MAP4: variants seen among roughly 807,000 people sequenced by gnomAD.
MAP4 encodes microtubule associated protein 4, also known as microtubule-associated protein 4.
Under a neutral mutation model 170.2 loss-of-function variants are expected in MAP4, and 76 were observed. The ratio of observed to expected loss-of-function variants is 0.45; its 90% CI spans 0.37 to 0.54. The LOEUF (loss-of-function observed/expected upper bound fraction) is 0.54. Ranked by LOEUF, MAP4 falls within the 20% of genes least tolerant of loss-of-function variation. MAP4 has a pLI of 0.00. For missense variants in MAP4, 2,506 were observed against 2,748.0 expected (o/e 0.91, Z 1.97); for synonymous variants, 909 against 994.5 (o/e 0.91, Z 1.62).
chr3:47,857,853 C>T lies in MAP4; in HGVS notation c.6502-341G>A, dbSNP rs2059200448. Reference sequence around the variant, plus strand: ...CCTCCCGAGTAGCTGGGATTACAGGCGTGTACCACCACATCTGGCTAATTT... The same window carrying T: ...CCTCCCGAGTAGCTGGGATTACAGGTGTGTACCACCACATCTGGCTAATTT... On this transcript the variant is annotated intron_variant, in intron 17 of 20. Transcript: ENST00000683076. 4.0e-5 allele frequency among the ~76,000 whole-genome samples: 6 copies of T among 151,854 alleles called. No individual in the cohort carries two copies. In the South Asian group the frequency reaches 1.0e-3, roughly 26 times the overall value.
At chr3:47,918,683 A>T in intron 6 of MAP4, 36 bp downstream of exon 6, 1 of 1,548,260 alleles carries the variant, frequency 6.5e-7, no homozygotes, top group Non-Finnish European at 8.9e-7. Context: ...CAATACTGCA[A>T]CCATTAACTG....
Position 47,853,291 on chromosome 3 carries a change from G to C in MAP4, c.6758C>G (p.Ala2253Gly), listed in dbSNP as rs1330698220. ...CPGPPAGEEPAISEAAPEAGA... is the reference protein window; with the variant it reads ...CPGPPAGEEPGISEAAPEAGA... The stretch of plus-strand genomic sequence containing the variant: ...AGCTTCAGGCGCTGCCTCAGAGATG[G>C]CCGGCTCCTCCCCAGCAGGGGGACC... Residue 2253 changes from alanine to glycine, a missense_variant, in exon 20 of 21, where the codon GCC becomes GGC. Coordinates refer to ENST00000683076, the MANE Select transcript of MAP4 (RefSeq NM_001385682.1). 6.2e-7 allele frequency: 1 copy of C among 1,610,460 alleles called. No individual in the cohort carries two copies. The highest frequency in any genetic ancestry group is 8.5e-7 in the Non-Finnish European group (1 of 1,179,110).
In MAP4 at chr3:47,910,165, G is replaced by T. The variant is rs778580815; in HGVS notation, c.4256C>A (p.Pro1419His). The T allele has an allele frequency of 6.2e-7, 1 of 1,613,878 alleles. No homozygotes were observed. The highest frequency in any genetic ancestry group is 2.2e-5 in the East Asian group (1 of 44,886). Residue 1419 changes from proline (P) to histidine (H), a missense_variant, in exon 9 of 21, where the codon CCC (proline) becomes CAC (histidine). By Grantham distance (77) the Pro-to-His change is moderately conservative. This residue lies in a region of MAP4 where 2,008 missense variants were observed against 2,206.0 expected (regional missense o/e 0.91). Transcript: ENST00000683076. The stretch of plus-strand genomic sequence containing the variant: ...ATTTATCAGCTCTGATGGTGTTCTG[G>T]GACAGGTAAATGTAATATTTCTATT... ...DENRNITFTCPRTPSELINKS... is the reference protein window; with the variant it reads ...DENRNITFTCHRTPSELINKS...
chr3:47,917,954 C>CCTAGTAG (rs1308072026), intron 6 of MAP4, among the ~76,000 whole-genome samples: 1 of 152,040 alleles, frequency 6.6e-6, no homozygotes, highest in Non-Finnish European at 1.5e-5. Flanking sequence ...TCTCAGCCTC[C>CCTAGTAG]CTAGTAGCTG....
chr3:47,881,379 C>T (rs985971140), intron 10 of MAP4, among the ~76,000 whole-genome samples: 10 of 139,392 alleles, frequency 7.2e-5, no homozygotes, highest in Admixed American at 3.0e-4. Context: ...TTGAGCCCAG[C>T]GAGTCAAGCC....
chr3:48,054,719 A>C (rs1438839177), intron 1 of MAP4, among the ~76,000 whole-genome samples: 1 of 151,400 alleles, frequency 6.6e-6, no homozygotes, highest in African/African-American at 2.4e-5. Flanking sequence ...GAGACACGAG[A>C]ATCACTTGAA....
At chr3:47,918,203 C>T (rs966886498) in intron 6 of MAP4, among the ~76,000 whole-genome samples, 4 of 152,022 alleles carry the variant, frequency 2.6e-5, no homozygotes, top group Non-Finnish European at 5.9e-5. Context: ...AGGCTGGTCT[C>T]GAACTCCTGA....
intron 3 of MAP4, among the ~76,000 whole-genome samples, chr3:47,952,827 G>C (rs1007834079): frequency 1.3e-5 from 2 of 151,992 alleles, no homozygotes; most frequent in African/African-American, 4.8e-5. Flanking sequence ...GGGAGGCTGA[G>C]GCAGAAAAAT....
At chr3:47,975,594 C>G in intron 3 of MAP4, 1 of 725,576 alleles carries the variant, frequency 1.4e-6, no homozygotes, top group Admixed American at 2.0e-5. Flanking sequence ...ATTAATGAAG[C>G]TGGTTTGCTC....
Position 47,892,680 on chromosome 3 carries a change from A to G in MAP4, c.5434+10270T>C, listed in dbSNP as rs560678462. On this transcript the variant is annotated intron_variant, in intron 10 of 20. Transcript: ENST00000683076. ...ACTTACAAATGTGAAAGAAAGAAAGAAAGGAAGAATGAATGAAAGCGAAAG... is the reference window on the plus strand; with the variant it reads ...ACTTACAAATGTGAAAGAAAGAAAGGAAGGAAGAATGAATGAAAGCGAAAG... The G allele has an allele frequency of 2.9e-6, 4 of 1,374,852 alleles. No individual in the cohort carries two copies. The East Asian group carries it at 8.1e-5, about 28-fold the overall frequency. The allele number at this position is 1,374,852 out of a possible 1,614,324, so 85.2% of individuals were successfully genotyped here.
chr3:48,056,515 G>A (rs1430082304), intron 1 of MAP4, among the ~76,000 whole-genome samples: 3 of 78,884 alleles, frequency 3.8e-5, no homozygotes, highest in African/African-American at 2.0e-4. Context: ...CCCCCGGCCA[G>A]CCGCCCCGTC....
chr3:48,078,311 A>ATTTTTTTTT, intron 1 of MAP4, among the ~76,000 whole-genome samples: 1 of 125,240 alleles, frequency 8.0e-6, no homozygotes, highest in Non-Finnish European at 1.7e-5. Context: ...TGCCTGGCTA[A>ATTTTTTTTT]TTTTTTTTTT....
At chr3:47,930,177 G>C (rs2100048693) in intron 3 of MAP4, among the ~76,000 whole-genome samples, 1 of 152,016 alleles carries the variant, frequency 6.6e-6, no homozygotes, top group South Asian at 2.1e-4. Flanking sequence ...CGGGCGCGGT[G>C]GCTCACGCCT....
At chr3:48,022,875 A>G (rs988787459) in intron 1 of MAP4, among the ~76,000 whole-genome samples, 2 of 149,518 alleles carry the variant, frequency 1.3e-5, no homozygotes, top group African/African-American at 5.0e-5. Flanking sequence ...TGGGCAACAG[A>G]GTGACACTCC....
intron 1 of MAP4, among the ~76,000 whole-genome samples, chr3:48,027,708 T>C (rs2100113834): frequency 1.3e-5 from 2 of 151,958 alleles, no homozygotes; most frequent in South Asian, 4.2e-4. Flanking sequence ...TAGCCGAGCA[T>C]GCACCTGTGG....
intron 1 of MAP4, among the ~76,000 whole-genome samples, chr3:48,062,413 T>C (rs1427800736): frequency 6.7e-6 from 1 of 150,008 alleles, no homozygotes; most frequent in Non-Finnish European, 1.5e-5. Context: ...TGTTCACTTG[T>C]TTATCTGCTG....
intron 2 of MAP4, among the ~76,000 whole-genome samples, chr3:47,979,647 G>A (rs2100084315): frequency 6.6e-6 from 1 of 151,908 alleles, no homozygotes; most frequent in Non-Finnish European, 1.5e-5. Flanking sequence ...TTTTAGTAGA[G>A]ACGAGGTTTC....
At chr3:48,068,241 G>A (rs1330095701) in intron 1 of MAP4, among the ~76,000 whole-genome samples, 1 of 144,584 alleles carries the variant, frequency 6.9e-6, no homozygotes, top group African/African-American at 2.6e-5. Context: ...CTCCAACCTG[G>A]GTAACAGAGC....
intron 1 of MAP4, among the ~76,000 whole-genome samples, chr3:48,075,997 CAAAG>C (rs1179866516): frequency 1.6e-4 from 21 of 135,410 alleles, no homozygotes; most frequent in Admixed American, 7.4e-4. Flanking sequence ...AAAAAAGAAA[CAAAG>C]AAAAAGATTT....
Sources: gnomAD v4.1 joint callset for allele counts (sites outside exome capture counted in the v4.1 genomes callset) on GRCh38, gnomAD v4.1.1 for gene constraint, gnomAD v4.1.1 regional missense constraint, MANE v1.5 for transcripts, NCBI Gene and HGNC (gene_info 2026-07-23, HGNC 2026-07-21) for gene names.